GPR146: variants seen among roughly 807,000 people sequenced by gnomAD.
GPR146 encodes G-protein coupled receptor 146.
For missense variants in GPR146, 381 were observed against 213.9 expected, an observed-to-expected ratio of 1.78 and a Z score of -4.87; for synonymous variants, 203 against 104.3, an observed-to-expected ratio of 1.95 and a Z score of -5.77.
At chr7:1,046,691 T>C (rs1431034553) in intron 1 of GPR146, among the ~76,000 whole-genome samples, 1 of 151,804 alleles carries the variant, frequency 6.6e-6, no homozygotes, top group East Asian at 1.9e-4. Context: ...AAATACCCCC[T>C]TGAGCAGCAG....
intron 1 of GPR146, among the ~76,000 whole-genome samples, chr7:1,054,457 C>T (rs1783512237): frequency 6.6e-6 from 1 of 152,232 alleles, no homozygotes; most frequent in African/African-American, 2.4e-5. Context: ...GTTCCCAGGT[C>T]CCGGCTGGGG....
chr7:1,051,739 T>C (rs1783132501), intron 1 of GPR146, among the ~76,000 whole-genome samples: 1 of 152,196 alleles, frequency 6.6e-6, no homozygotes. Context: ...TTTGGGAGAC[T>C]GAGGCAGGAG....
At chr7:1,048,438 T>A (rs759039507) in intron 1 of GPR146, among the ~76,000 whole-genome samples, 48 of 151,964 alleles carry the variant, frequency 3.2e-4, no homozygotes, top group African/African-American at 9.2e-4. Context: ...TCTCTCTCTC[T>A]CACACACACA....
intron 1 of GPR146, chr7:1,045,842 C>G (rs940088240): frequency 6.6e-6 from 1 of 152,300 alleles, no homozygotes; most frequent in Non-Finnish European, 1.5e-5. Context: ...GAGCAGCTCA[C>G]TGCCCGACGC....
In GPR146 at chr7:1,057,544, C is replaced by T; in HGVS notation, c.29C>T (p.Thr10Ile). The change falls in exon 2 of 2, where the codon ACA (threonine) becomes ATA (isoleucine). Residue 10 changes from threonine to isoleucine, a missense_variant. Physicochemically the swap from Thr to Ile is moderately conservative, Grantham distance 89. Transcript: ENST00000444847. Reference protein sequence around the residue: MWSCSWFNGTGLVEELPACQ... With the variant: MWSCSWFNGIGLVEELPACQ... The stretch of plus-strand genomic sequence containing the variant: ...TGGAGCTGCAGCTGGTTCAACGGCA[C>T]AGGGCTGGTGGAGGAGCTGCCTGCC... The T allele has an allele frequency of 1.3e-6, 1 of 773,996 alleles. No individual in the cohort carries two copies. Among genetic ancestry groups the T allele is most frequent in the South Asian group, 1.4e-5 (1 of 73,966 alleles). 47.9% of individuals were successfully genotyped at this position (773,996 alleles called of 1,614,324 possible).
chr7:1,057,560 G>A lies in GPR146; in HGVS notation c.45G>A (p.Glu15=). ...SWFNGTGLVE[E]LPACQDLQLG... Reference sequence around the variant, plus strand: ...TCAACGGCACAGGGCTGGTGGAGGAGCTGCCTGCCTGCCAGGACCTGCAGC... The same window carrying A: ...TCAACGGCACAGGGCTGGTGGAGGAACTGCCTGCCTGCCAGGACCTGCAGC... Residue 15 remains glutamate (E), a synonymous_variant, in exon 2 of 2, where the codon GAG becomes GAA. Transcript: ENST00000444847. 1.3e-6 allele frequency: 1 copy of A among 773,718 alleles called. No individual in the cohort carries two copies. Among genetic ancestry groups the A allele is most frequent in the Non-Finnish European group, 2.4e-6 (1 of 417,026 alleles). 47.9% of individuals were successfully genotyped at this position (773,718 alleles called of 1,614,324 possible). A position where few individuals can be genotyped will look rare whatever the true frequency, so the allele number is the denominator to read the frequency against.
In GPR146 at chr7:1,052,972, C is replaced by G. The variant is rs1032238247; in HGVS notation, c.-24-4520C>G. Among the ~76,000 whole-genome samples the G allele has an allele frequency of 6.6e-6, 1 of 152,150 alleles. No individual in the cohort carries two copies. Among genetic ancestry groups the G allele is most frequent in the African/African-American group, 2.4e-5 (1 of 41,444 alleles). ...TCATCTGGGCTTTCTCTCCCAGCCT[C>G]TAAGTCTCCCATCACCTGGCTCCCC... On this transcript the variant is annotated intron_variant, in intron 1 of 1. Transcript: ENST00000444847. The surrounding 1 kb of genome is among the most constrained non-coding windows in gnomAD (Gnocchi z 4.2).
At chr7:1,046,152 G>A (rs116270576) in intron 1 of GPR146, among the ~76,000 whole-genome samples, 2,806 of 152,298 alleles carry the variant, frequency 0.018, 104 homozygotes, top group African/African-American at 0.064. Flanking sequence ...ATTTACAGTC[G>A]GAAGAGGGAC....
rs1418835178 is a variant in GPR146 at position 1,044,623 on chromosome 7, C to T, written c.-60C>T. 6.6e-6 allele frequency: 1 copy of T among 151,446 alleles called. No homozygotes were observed. The highest frequency in any genetic ancestry group is 1.5e-5 in the Non-Finnish European group (1 of 67,796). The allele number at this position is 151,446 out of a possible 1,614,324, so 9.4% of individuals were successfully genotyped here. On this transcript the variant is annotated 5_prime_UTR_variant, in exon 1 of 2. Transcript: ENST00000444847. ...CCTCCGCCAGCCCGAGCTGCCCGCC[C>T]GGCGGCGACTGCGCCGGCCGCCGCC...
rs781529727 is a variant in GPR146 at position 1,058,304 on chromosome 7, G to A, written c.789G>A (p.Gly263=). 8 of 775,120 alleles carry A rather than the reference G, an allele frequency of 1.0e-5. No homozygotes were observed. Among genetic ancestry groups the A allele is most frequent in the Non-Finnish European group, 1.7e-5 (7 of 418,098 alleles). The allele number at this position is 775,120 out of a possible 1,614,324, so 48.0% of individuals were successfully genotyped here. The change falls in exon 2 of 2, where the codon GGG becomes GGA. Residue 263 remains glycine (G), a synonymous_variant. Transcript: ENST00000444847. The part of the protein sequence containing the change: ...LLGHTVIISR[G]KPVDAHYLGL... ...GGCACACGGTCATCATCTCGCGAGG[G>A]AAGCCCGTGGACGCACACTACCTGG...
chr7:1,054,688 G>A (rs957790939), intron 1 of GPR146, among the ~76,000 whole-genome samples: 68 of 152,318 alleles, frequency 4.5e-4, no homozygotes, highest in African/African-American at 1.6e-3. Flanking sequence ...GGGGTGCGGC[G>A]GGCAAGAGGC....
intron 1 of GPR146, among the ~76,000 whole-genome samples, chr7:1,047,789 C>T (rs1056259070): frequency 6.6e-6 from 1 of 152,178 alleles, no homozygotes; most frequent in Non-Finnish European, 1.5e-5. Context: ...AACAACTGTC[C>T]GGGGACAATA....
intron 1 of GPR146, among the ~76,000 whole-genome samples, chr7:1,047,852 T>TTGGATCACTCGCCTTGG (rs1243222585): frequency 2.0e-5 from 3 of 152,178 alleles, no homozygotes; most frequent in East Asian, 1.9e-4. Context: ...AGTGGGGAAA[T>TTGGATCACTCGCCTTGG]TGGATCACTC....
intron 1 of GPR146, among the ~76,000 whole-genome samples, chr7:1,049,070 G>A (rs73048381): frequency 1.3e-5 from 2 of 152,312 alleles, no homozygotes; most frequent in East Asian, 1.9e-4. Flanking sequence ...CCAGGCCTCC[G>A]CGGTCTGACC....
At chr7:1,051,242 C>T (rs1029637805) in intron 1 of GPR146, among the ~76,000 whole-genome samples, 10 of 152,256 alleles carry the variant, frequency 6.6e-5, no homozygotes, top group African/African-American at 9.6e-5. Context: ...GTCCCAACCC[C>T]GGTCCTCTCA....
chr7:1,055,314 CACGCGCAGG>C (rs1445541110), intron 1 of GPR146: 1 of 471,196 alleles, frequency 2.1e-6, no homozygotes, highest in East Asian at 6.9e-5. Context: ...CCCTCACACG[CACGCGCAGG>C]CGGCCAGGCG....
At chr7:1,046,684 T>C (rs1782610164) in intron 1 of GPR146, among the ~76,000 whole-genome samples, 2 of 151,988 alleles carry the variant, frequency 1.3e-5, no homozygotes, top group Admixed American at 6.6e-5. Flanking sequence ...GCAAACAAAA[T>C]ACCCCCTTGA....
At chr7:1,049,456 T>C (rs1334895592) in intron 1 of GPR146, among the ~76,000 whole-genome samples, 1 of 152,232 alleles carries the variant, frequency 6.6e-6, no homozygotes, top group Non-Finnish European at 1.5e-5. Context: ...GTCACCTGCC[T>C]GCAAAGGCAC....
intron 1 of GPR146, among the ~76,000 whole-genome samples, chr7:1,049,120 G>A (rs1782859112): frequency 6.6e-6 from 1 of 152,200 alleles, no homozygotes; most frequent in South Asian, 2.1e-4. Flanking sequence ...GGTGCGTCCT[G>A]GGGGCTGCCT....
Sources: gnomAD v4.1 joint callset for allele counts (sites outside exome capture counted in the v4.1 genomes callset) on GRCh38, gnomAD v4.1.1 for gene constraint, Gnocchi (gnomAD v3.1) non-coding constraint, MANE v1.5 for transcripts, NCBI Gene and HGNC (gene_info 2026-07-23, HGNC 2026-07-21) for gene names.